PCBP3: variants seen among roughly 807,000 people sequenced by gnomAD.
PCBP3 encodes the protein poly(rC) binding protein 3.
PCBP3 carries 25 observed loss-of-function variants against 52.7 expected under a neutral mutation model. That is an observed-to-expected ratio of 0.47 (90% CI 0.35 to 0.66). PCBP3 has a LOEUF of 0.66. PCBP3 is among the 30% of genes least tolerant of loss of function. The pLI, the probability that PCBP3 is intolerant of heterozygous loss-of-function variation, is 0.01. For synonymous variants in PCBP3, 162 were observed against 183.0 expected, an observed-to-expected ratio of 0.89 and a Z score of 0.93; for missense variants, 391 against 490.3, an observed-to-expected ratio of 0.80 and a Z score of 1.91.
At chr21:45,910,817 C>G (rs916525489) in intron 10 of PCBP3, 85 bp from the exon 11 acceptor site, 2 of 1,369,936 alleles carry the variant, frequency 1.5e-6, no homozygotes, top group Admixed American at 2.0e-5. Context: ...GTCCCCCGAG[C>G]TGCCTTGGGT....
chr21:45,850,299 G>A (rs1053967370), intron 5 of PCBP3, among the ~76,000 whole-genome samples: 2 of 152,210 alleles, frequency 1.3e-5, no homozygotes, highest in Admixed American at 6.5e-5. Context: ...GCAGTGAGCT[G>A]GTTGTGGTTG....
chr21:45,725,929 C>A (rs1050432513), intron 2 of PCBP3, among the ~76,000 whole-genome samples: 5 of 151,944 alleles, frequency 3.3e-5, no homozygotes, highest in Admixed American at 1.3e-4. Context: ...GGAGAGCAGG[C>A]CCCCTCTAGG....
chr21:45,861,258 G>A (rs2094500666), intron 5 of PCBP3, among the ~76,000 whole-genome samples: 1 of 152,126 alleles, frequency 6.6e-6, no homozygotes, highest in Non-Finnish European at 1.5e-5. Context: ...ACCCACCTGG[G>A]CCTCACATCT....
intron 4 of PCBP3, among the ~76,000 whole-genome samples, chr21:45,844,790 T>A (rs1477868679): frequency 6.6e-6 from 1 of 151,526 alleles, no homozygotes; most frequent in Non-Finnish European, 1.5e-5. Flanking sequence ...AGAAGAAGAC[T>A]GGGTCTGAGT....
intron 6 of PCBP3, among the ~76,000 whole-genome samples, chr21:45,897,791 A>T (rs1330248331): frequency 1.3e-5 from 2 of 151,874 alleles, no homozygotes; most frequent in African/African-American, 4.8e-5. Context: ...GTGGGTCCCG[A>T]GCTGCTGTGG....
chr21:45,890,050 G>A (rs146225254), intron 5 of PCBP3, among the ~76,000 whole-genome samples: 439 of 152,362 alleles, frequency 2.9e-3, no homozygotes, highest in Non-Finnish European at 4.7e-3. Context: ...CCATGCCAGG[G>A]GCTGGGACTG....
At position 45,805,319 on chromosome 21, in the gene PCBP3, G is replaced by A. The variant is rs1051030562; in HGVS notation, c.-125-44642G>A. ...GCTGAAAACCCCCCAGGTGGTGTCT[G>A]GGGGGGAAAGTAATTGGAAGATTAT... On this transcript the variant is annotated intron_variant, in intron 4 of 17. Coordinates refer to ENST00000681687, the MANE Select transcript of PCBP3 (RefSeq NM_001384156.1). This position sits in a 1 kb window ranked among gnomAD's most constrained non-coding sequence, Gnocchi z 4.6. Among the ~76,000 whole-genome samples, 1 of 151,966 alleles carries A rather than the reference G, an allele frequency of 6.6e-6. No homozygotes were observed. Among genetic ancestry groups the A allele is most frequent in the Non-Finnish European group, 1.5e-5 (1 of 67,960 alleles).
chr21:45,880,514 G>A lies in PCBP3; in HGVS notation c.11-15694G>A, dbSNP rs936727951. Among the ~76,000 whole-genome samples, 4 of 152,230 alleles carry A rather than the reference G, an allele frequency of 2.6e-5. No homozygotes were observed. Among genetic ancestry groups the A allele is most frequent in the African/African-American group, 7.2e-5 (3 of 41,452 alleles). On this transcript the variant is annotated intron_variant, in intron 5 of 17. Coordinates refer to ENST00000681687, the MANE Select transcript of PCBP3 (RefSeq NM_001384156.1). The surrounding 1 kb of genome is among the most constrained non-coding windows in gnomAD (Gnocchi z 5.4). ...TTTAGAAATCGCTGAATTTCAGAAC[G>A]TTCCACGAGGCCGTGGAAATTGAGC...
At chr21:45,790,092 A>T (rs1267786939) in intron 4 of PCBP3, among the ~76,000 whole-genome samples, 2 of 152,178 alleles carry the variant, frequency 1.3e-5, no homozygotes, top group African/African-American at 4.8e-5. Context: ...GTGAGCCGAG[A>T]TCTCGCCACT....
At chr21:45,707,055 CTGAG>C (rs2083493052) in intron 2 of PCBP3, among the ~76,000 whole-genome samples, 1 of 152,180 alleles carries the variant, frequency 6.6e-6, no homozygotes, top group Admixed American at 6.5e-5. Flanking sequence ...TTCATGCTGA[CTGAG>C]TGTGCACGTA....
rs552215877 is a variant in PCBP3, at chr21:45,800,747, C to G, written c.-126+45295C>G. Among the ~76,000 whole-genome samples, 75 of 152,332 alleles carry G rather than the reference C, an allele frequency of 4.9e-4. 1 individual carries two copies. The East Asian group carries it at 0.014, about 29-fold the overall frequency. On this transcript the variant is annotated intron_variant, in intron 4 of 17. Transcript: ENST00000681687. The surrounding 1 kb of genome is among the most constrained non-coding windows in gnomAD (Gnocchi z 5.3). ...GCCTCACTATGCCTAGGCCACAGCC[C>G]GGGAGGGAGGATGTCTTTCCCTGAC...
chr21:45,697,217 T>A (rs1435615578), intron 2 of PCBP3, among the ~76,000 whole-genome samples: 2 of 152,150 alleles, frequency 1.3e-5, no homozygotes, highest in African/African-American at 4.8e-5. Flanking sequence ...TGCCTAATAG[T>A]GAAACACTGG....
At chr21:45,918,781 TGGG>T (rs1171387373) in intron 13 of PCBP3, 8 of 147,782 alleles carry the variant, frequency 5.4e-5, no homozygotes, top group African/African-American at 1.1e-4. Flanking sequence ...ATTCCAGTGC[TGGG>T]GGAAGAAGTT....
chr21:45,732,251 T>C (rs1031186611), intron 2 of PCBP3, among the ~76,000 whole-genome samples: 1 of 152,172 alleles, frequency 6.6e-6, no homozygotes, highest in Admixed American at 6.5e-5. Context: ...GTTCACCCTG[T>C]CTGTGCTTGT....
At position 45,791,659 on chromosome 21, in the gene PCBP3, AGTAGAATACAAC is replaced by A. The variant is rs1217744391; in HGVS notation, c.-126+36208_-126+36219del. On this transcript the variant is annotated intron_variant, in intron 4 of 17. Coordinates refer to ENST00000681687, the MANE Select transcript of PCBP3 (RefSeq NM_001384156.1). This position sits in a 1 kb window ranked among gnomAD's most constrained non-coding sequence, Gnocchi z 4.2. Reference sequence around the variant, plus strand: ...GCAGTCATAAGTTAATTTCTGTCGAAGTAGAATACAACTAAGAAAAAATTTTAAAATACAACT... The same window carrying A: ...GCAGTCATAAGTTAATTTCTGTCGAATAAGAAAAAATTTTAAAATACAACT... Among the ~76,000 whole-genome samples the A allele has an allele frequency of 6.6e-6, 1 of 152,226 alleles. No individual in the cohort carries two copies. Among genetic ancestry groups the A allele is most frequent in the Non-Finnish European group, 1.5e-5 (1 of 68,040 alleles).
chr21:45,798,249 A>G (rs1453692359), intron 4 of PCBP3, among the ~76,000 whole-genome samples: 1 of 149,490 alleles, frequency 6.7e-6, no homozygotes, highest in Non-Finnish European at 1.5e-5. Flanking sequence ...GGATGAATGC[A>G]TGGATCCATA....
intron 2 of PCBP3, among the ~76,000 whole-genome samples, chr21:45,678,851 C>T (rs1051507635): frequency 3.3e-5 from 5 of 151,822 alleles, no homozygotes; most frequent in Non-Finnish European, 7.4e-5. Context: ...GAAGTTATAC[C>T]ATGGTGAAAG....
intron 1 of PCBP3, among the ~76,000 whole-genome samples, chr21:45,650,163 C>CAA (rs79080643): frequency 5.7e-4 from 77 of 134,294 alleles, no homozygotes; most frequent in African/African-American, 1.9e-3. Context: ...CCCATTTTTA[C>CAA]AAAAAAAAAA....
intron 5 of PCBP3, among the ~76,000 whole-genome samples, chr21:45,861,932 G>A (rs537479948): frequency 1.0e-3 from 153 of 152,326 alleles, no homozygotes; most frequent in African/African-American, 3.6e-3. Context: ...TGGCAATCCA[G>A]GATCAAGACT....
Sources: allele counts gnomAD v4.1 joint callset (sites outside exome capture counted in the v4.1 genomes callset), GRCh38; gene constraint gnomAD v4.1.1; non-coding constraint Gnocchi (gnomAD v3.1); transcripts MANE v1.5; gene names NCBI Gene and HGNC (gene_info 2026-07-23, HGNC 2026-07-21).